AFF2: variants seen among roughly 807,000 people sequenced by gnomAD.
AFF2 encodes the protein AF4/FMR2 family member 2.
AFF2 carries 14 observed loss-of-function variants against 76.9 expected under a neutral mutation model. The observed-to-expected ratio is 0.18, with a 90% CI of 0.12 to 0.28. The LOEUF (loss-of-function observed/expected upper bound fraction) is 0.28. Among genes scored for constraint, AFF2 ranks in the 10% least tolerant of loss-of-function variants. AFF2 has a pLI of 1.00. For synonymous variants in AFF2, 398 were observed against 366.7 expected (o/e 1.09, Z -0.98); for missense variants, 868 against 1,001.1 (o/e 0.87, Z 1.79).
At chrX:148,735,732 C>T (rs2055277427) in intron 3 of AFF2, among the ~76,000 whole-genome samples, 1 of 111,139 alleles carries the variant, frequency 9.0e-6, no homozygotes, top group African/African-American at 3.3e-5. Context: ...GCAGCATACA[C>T]TGCACCCTAT....
rs781872357 is a variant in AFF2 at position 148,958,381 on chromosome X, G to A, written c.2613G>A (p.Leu871=). Residue 871 remains leucine, a synonymous_variant, in exon 12 of 21, where the codon CTG becomes CTA. Transcript: ENST00000370460. ...AGATCCCTGAGAAGAAGCAGCGCCT[G>A]GAGGAGGCCACAACTATCTGCTTGC... ...AEKIPEKKQR[L]EEATTICLLP... 2.5e-6 allele frequency: 3 copies of A among 1,210,942 alleles called. No individual in the cohort carries two copies. The East Asian group carries it at 8.9e-5, about 36-fold the overall frequency.
At chrX:148,727,208 T>G (rs2055168115) in intron 3 of AFF2, among the ~76,000 whole-genome samples, 1 of 111,766 alleles carries the variant, frequency 8.9e-6, no homozygotes, top group Non-Finnish European at 1.9e-5. Flanking sequence ...TTTTTTCATT[T>G]TATTAAATAT....
intron 7 of AFF2, among the ~76,000 whole-genome samples, chrX:148,885,077 G>A (rs1281792668): frequency 4.5e-5 from 5 of 111,896 alleles, no homozygotes; most frequent in Admixed American, 9.5e-5. Flanking sequence ...TAAAGACAGT[G>A]TAGCTGGAAT....
chrX:148,883,021 T>A (rs1286873656), intron 7 of AFF2, among the ~76,000 whole-genome samples: 2 of 111,619 alleles, frequency 1.8e-5, no homozygotes, highest in African/African-American at 6.5e-5. Flanking sequence ...TGGATCGCTG[T>A]GTAGATTGGC....
intron 1 of AFF2, among the ~76,000 whole-genome samples, chrX:148,567,576 C>T (rs1243760641): frequency 9.0e-6 from 1 of 110,926 alleles, no homozygotes; most frequent in Non-Finnish European, 1.9e-5. Context: ...GGAGTCAATA[C>T]CTTGTTATTT....
Position 148,611,350 on chromosome X carries a change from T to C in AFF2, c.48-40649T>C, listed in dbSNP as rs72611262. ...TAGTATGGTCTAATGGTTACAGTAA[T>C]GTTTGTGAAGATGAGAAATGTATTT... On this transcript the variant is annotated intron_variant, in intron 1 of 20. Transcript: ENST00000370460. Among the ~76,000 whole-genome samples the C allele has an allele frequency of 2.2e-4, 25 of 112,510 alleles. No individual in the cohort carries two copies. In the East Asian group the frequency reaches 5.9e-3, roughly 27 times the overall value.
intron 3 of AFF2, among the ~76,000 whole-genome samples, chrX:148,721,605 G>A (rs1179963728): frequency 8.9e-6 from 1 of 111,922 alleles, no homozygotes; most frequent in African/African-American, 3.3e-5. Context: ...GACCAACAGT[G>A]GAGGGCAGTG....
At chrX:148,953,834 C>T in intron 10 of AFF2, 95 bp downstream of exon 10, 1 of 700,140 alleles carries the variant, frequency 1.4e-6, no homozygotes, top group South Asian at 3.9e-5. Flanking sequence ...CACACACACA[C>T]ACTTTCAGCA....
chrX:148,888,929 A>G (rs2071191774), intron 8 of AFF2, among the ~76,000 whole-genome samples: 1 of 111,964 alleles, frequency 8.9e-6, no homozygotes, highest in Non-Finnish European at 1.9e-5. Flanking sequence ...TTCAGCTGAC[A>G]TAATAGTTAG....
At chrX:148,837,624 G>C (rs992050945) in intron 4 of AFF2, 23 bp from the exon 5 acceptor site, 15 of 1,012,368 alleles carry the variant, frequency 1.5e-5, no homozygotes, top group Non-Finnish European at 1.9e-5. Flanking sequence ...CTGAAATAAA[G>C]TTTCTTTATT....
In AFF2 at chrX:148,953,641, T is replaced by C. The variant is rs1557286868; in HGVS notation, c.1459T>C (p.Ser487Pro). The C allele has an allele frequency of 1.7e-6, 2 of 1,211,491 alleles. No individual in the cohort carries two copies. The highest frequency in any genetic ancestry group is 2.2e-6 in the Non-Finnish European group (2 of 895,409). Residue 487 changes from serine to proline, a missense_variant, in exon 10 of 21, where the codon TCC (serine) becomes CCC (proline). Around this residue, in one of 6 missense-constraint regions of AFF2, gnomAD observed 532 missense variants for 564.2 expected, o/e 0.94. Coordinates refer to ENST00000370460, the MANE Select transcript of AFF2 (RefSeq NM_002025.4). ...GCAAGCCAGCGGGGGTTCTGGCAGC[T>C]CCAGCGAATCGGAGAGCAGCTCTGA... Reference protein sequence around the residue: ...AVQASGGSGSSSESESSSESD... With the variant: ...AVQASGGSGSPSESESSSESD...
intron 7 of AFF2, among the ~76,000 whole-genome samples, chrX:148,846,730 C>T (rs1198099906): frequency 9.0e-6 from 1 of 110,731 alleles, no homozygotes; most frequent in African/African-American, 3.3e-5. Context: ...GAGGGTGAAG[C>T]GTGGGCATAA....
At chrX:148,549,074 G>A (rs1294270599) in intron 1 of AFF2, among the ~76,000 whole-genome samples, 2 of 112,067 alleles carry the variant, frequency 1.8e-5, no homozygotes, top group Admixed American at 9.4e-5. Context: ...CTAGGAATCG[G>A]CCATTCTAGG....
chrX:148,587,954 A>T (rs1159565488), intron 1 of AFF2, among the ~76,000 whole-genome samples: 1 of 112,374 alleles, frequency 8.9e-6, no homozygotes. Flanking sequence ...TTGATTTTGC[A>T]TGGGTTTCAG....
At chrX:148,945,256 G>A (rs1487571421) in intron 9 of AFF2, among the ~76,000 whole-genome samples, 1 of 111,846 alleles carries the variant, frequency 8.9e-6, no homozygotes, top group African/African-American at 3.3e-5. Flanking sequence ...TGATATCCCA[G>A]CTTATCAGAA....
chrX:148,774,369 G>C (rs903639222), intron 3 of AFF2, among the ~76,000 whole-genome samples: 1 of 111,736 alleles, frequency 8.9e-6, no homozygotes. Flanking sequence ...TATCCTCCTT[G>C]TATGAGCACA....
intron 3 of AFF2, among the ~76,000 whole-genome samples, chrX:148,678,713 C>A (rs1339697926): frequency 1.8e-5 from 2 of 111,743 alleles, no homozygotes; most frequent in African/African-American, 6.5e-5. Context: ...TAGGCTCCAG[C>A]AAACATATTA....
At chrX:148,983,960 A>AAAAAAAAAAAAAAAAAC (rs2072429396) in intron 19 of AFF2, among the ~76,000 whole-genome samples, 1 of 100,275 alleles carries the variant, frequency 1.0e-5, no homozygotes, top group Non-Finnish European at 2.0e-5. Context: ...AGACAAAAAA[A>AAAAAAAAAAAAAAAAAC]AAAAAAAACT....
At chrX:148,755,258 G>A (rs185345843) in intron 3 of AFF2, among the ~76,000 whole-genome samples, 3 of 112,152 alleles carry the variant, frequency 2.7e-5, no homozygotes, top group Non-Finnish European at 3.8e-5. Flanking sequence ...TCATCGTGAC[G>A]CTGAGACAGT....
Sources: gnomAD v4.1 joint callset for allele counts (sites outside exome capture counted in the v4.1 genomes callset) on GRCh38, gnomAD v4.1.1 for gene constraint, gnomAD v4.1.1 regional missense constraint, MANE v1.5 for transcripts, NCBI Gene and HGNC (gene_info 2026-07-23, HGNC 2026-07-21) for gene names.